CHN2: variants seen among roughly 807,000 people sequenced by gnomAD.
The protein encoded by CHN2 is chimerin 2.
CHN2 carries 35 observed loss-of-function variants against 56.3 expected under a neutral mutation model. The observed-to-expected ratio is 0.62, with a 90% CI of 0.47 to 0.82. CHN2 has a LOEUF of 0.82. Ranked by LOEUF, CHN2 falls within the 40% of genes least tolerant of loss-of-function variation. The pLI, the probability that CHN2 is intolerant of heterozygous loss-of-function variation, is 0.00. For missense variants in CHN2, 491 were observed against 580.5 expected, an observed-to-expected ratio of 0.85 and a Z score of 1.58; for synonymous variants, 210 against 212.8, an observed-to-expected ratio of 0.99 and a Z score of 0.12.
intron 1 of CHN2, chr7:29,213,114 A>G (rs1785080789): frequency 5.7e-6 from 9 of 1,590,978 alleles, no homozygotes; most frequent in Non-Finnish European, 6.0e-6. Context: ...CTGCAGGGGA[A>G]GGCCTTAATG....
rs1361441636 is a variant in CHN2, at chr7:29,443,263, A to G, written c.577-37016A>G. ...CCCAATTTCATTGAATTTCTAACTG[A>G]AATAGAACTGAATCAGAGCAGAGGT... On this transcript the variant is annotated intron_variant, in intron 6 of 12. Transcript: ENST00000222792. 5.3e-5 allele frequency among the ~76,000 whole-genome samples: 8 copies of G among 152,064 alleles called. No homozygotes were observed. In the East Asian group the frequency reaches 1.5e-3, roughly 29 times the overall value.
intron 2 of CHN2, among the ~76,000 whole-genome samples, chr7:29,360,654 C>T (rs1242957035): frequency 6.6e-6 from 1 of 152,198 alleles, no homozygotes; most frequent in Non-Finnish European, 1.5e-5. Flanking sequence ...CCATGAAAAT[C>T]GGGAAGACAT....
intron 1 of CHN2, among the ~76,000 whole-genome samples, chr7:29,248,989 T>A (rs1217440812): frequency 1.3e-5 from 2 of 152,190 alleles, no homozygotes; most frequent in African/African-American, 4.8e-5. Context: ...ATTCCAGTAG[T>A]CAAAAACAAG....
intron 6 of CHN2, among the ~76,000 whole-genome samples, chr7:29,478,869 C>A (rs754698760): frequency 9.9e-5 from 15 of 152,074 alleles, no homozygotes; most frequent in Non-Finnish European, 1.9e-4. Context: ...GGAGGATGAA[C>A]TTTTGAACCA....
chr7:29,395,403 G>A (rs971774018), intron 4 of CHN2, among the ~76,000 whole-genome samples: 1 of 152,072 alleles, frequency 6.6e-6, no homozygotes, highest in African/African-American at 2.4e-5. Flanking sequence ...CATGCCTATG[G>A]TCCCAGCTAC....
chr7:29,392,863 G>C (rs4719971), intron 3 of CHN2, among the ~76,000 whole-genome samples: 6 of 152,072 alleles, frequency 3.9e-5, no homozygotes, highest in Non-Finnish European at 1.5e-5. Flanking sequence ...GTCATACATA[G>C]AACCATTCAT....
chr7:29,410,695 A>G (rs1406399772), intron 6 of CHN2, among the ~76,000 whole-genome samples: 1 of 152,058 alleles, frequency 6.6e-6, no homozygotes, highest in African/African-American at 2.4e-5. Flanking sequence ...TTGTTTTTGA[A>G]GAAACTGGAG....
intron 2 of CHN2, 38 bp downstream of exon 2, chr7:29,354,701 A>T: frequency 6.3e-7 from 1 of 1,588,108 alleles, no homozygotes. Context: ...AGAAGTCGTT[A>T]GCAGGCCAGC....
intron 1 of CHN2, among the ~76,000 whole-genome samples, chr7:29,311,582 A>C (rs1173093812): frequency 6.6e-6 from 1 of 152,234 alleles, no homozygotes. Context: ...TCAGGTTCAA[A>C]CACAGGCAGT....
chr7:29,387,162 G>A (rs577510959), intron 3 of CHN2, among the ~76,000 whole-genome samples: 4 of 152,178 alleles, frequency 2.6e-5, no homozygotes, highest in Non-Finnish European at 4.4e-5. Flanking sequence ...TCAGGACTCT[G>A]CCTGGCACAG....
chr7:29,159,816 A>G (rs1361548633), intron 2 of CHN2, among the ~76,000 whole-genome samples: 1 of 152,196 alleles, frequency 6.6e-6, no homozygotes, highest in Non-Finnish European at 1.5e-5. Context: ...AAAATAAGCC[A>G]TGAAAACAGG....
intron 2 of CHN2, among the ~76,000 whole-genome samples, chr7:29,177,204 G>T (rs560841650): frequency 6.6e-6 from 1 of 150,840 alleles, no homozygotes; most frequent in Admixed American, 6.6e-5. Flanking sequence ...CTATATAGGA[G>T]ATCTTTTTCT....
intron 9 of CHN2, among the ~76,000 whole-genome samples, chr7:29,501,200 A>G (rs924751855): frequency 6.6e-6 from 1 of 152,192 alleles, no homozygotes; most frequent in African/African-American, 2.4e-5. Context: ...TCCCTTTTCT[A>G]TGGAGGGGGA....
intron 8 of CHN2, among the ~76,000 whole-genome samples, chr7:29,496,766 A>C (rs912858027): frequency 5.6e-4 from 85 of 152,212 alleles, no homozygotes; most frequent in African/African-American, 2.0e-3. Context: ...ATTAAGGTAC[A>C]TCTAACACAA....
At chr7:29,385,475 C>T (rs1273129476) in intron 3 of CHN2, among the ~76,000 whole-genome samples, 1 of 152,098 alleles carries the variant, frequency 6.6e-6, no homozygotes, top group Non-Finnish European at 1.5e-5. Context: ...AATACCCTCC[C>T]CCGAGTCCTG....
chr7:29,359,558 G>GA (rs1275073803), intron 2 of CHN2, among the ~76,000 whole-genome samples: 4 of 151,128 alleles, frequency 2.6e-5, no homozygotes, highest in African/African-American at 4.9e-5. Context: ...CTTAGAAAAG[G>GA]AAAAAAAAGG....
At chr7:29,423,204 G>T (rs1804520232) in intron 6 of CHN2, among the ~76,000 whole-genome samples, 1 of 152,202 alleles carries the variant, frequency 6.6e-6, no homozygotes, top group Admixed American at 6.5e-5. Context: ...TCATGCTTAT[G>T]TCCCAGCCCA....
At chr7:29,419,959 C>G (rs1804163627) in intron 6 of CHN2, among the ~76,000 whole-genome samples, 1 of 151,774 alleles carries the variant, frequency 6.6e-6, no homozygotes, top group Admixed American at 6.6e-5. Flanking sequence ...ACTCGGGAGG[C>G]CGAGGCAGAA....
chr7:29,430,052 G>A (rs1782725522), intron 6 of CHN2, among the ~76,000 whole-genome samples: 1 of 152,214 alleles, frequency 6.6e-6, no homozygotes, highest in Non-Finnish European at 1.5e-5. Flanking sequence ...TACTTAGAAA[G>A]AAACACGCTT....
Sources: allele counts gnomAD v4.1 joint callset (sites outside exome capture counted in the v4.1 genomes callset), GRCh38; gene constraint gnomAD v4.1.1; transcripts MANE v1.5; gene names NCBI Gene and HGNC (gene_info 2026-07-23, HGNC 2026-07-21).